The following RERE variants were observed in gnomAD, a reference collection of about 807,000 sequenced individuals.
The protein encoded by RERE is arginine-glutamic acid dipeptide repeats protein.
A neutral mutation model predicts 146.1 loss-of-function variants in RERE; 40 were observed. That is an observed-to-expected ratio of 0.27 (90% CI 0.21 to 0.36). The LOEUF (loss-of-function observed/expected upper bound fraction) is 0.36, where lower values mean the gene tolerates loss of function less well. Among genes scored for constraint, RERE ranks in the 10% least tolerant of loss-of-function variants. The pLI is 1.00. For synonymous variants in RERE, 1,003 were observed against 866.0 expected (o/e 1.16, Z -2.78); for missense variants, 1,933 against 2,138.7 (o/e 0.90, Z 1.90).
At chr1:8,557,627 T>A (rs1400366752) in intron 4 of RERE, 104 bp from the exon 5 acceptor site, 1 of 725,914 alleles carries the variant, frequency 1.4e-6, no homozygotes, top group Non-Finnish European at 2.5e-6. Context: ...GACACGTAGA[T>A]AGGGAGAGAC....
chr1:8,684,936 C>T (rs1639052511), intron 1 of RERE, among the ~76,000 whole-genome samples: 1 of 152,240 alleles, frequency 6.6e-6, no homozygotes, highest in South Asian at 2.1e-4. Context: ...TGGCTCACTA[C>T]AGCCTCAACC....
intron 4 of RERE, among the ~76,000 whole-genome samples, chr1:8,582,417 T>C (rs1646378201): frequency 6.7e-6 from 1 of 148,334 alleles, no homozygotes; most frequent in Non-Finnish European, 1.5e-5. Flanking sequence ...CTTTTTTTCT[T>C]TTTTTTTTTT....
chr1:8,398,171 GGCA>G (rs1213809022), intron 12 of RERE, among the ~76,000 whole-genome samples: 2 of 152,212 alleles, frequency 1.3e-5, no homozygotes, highest in Non-Finnish European at 2.9e-5. Flanking sequence ...GTAACAGAAG[GGCA>G]GGCATTCTGG....
intron 9 of RERE, among the ~76,000 whole-genome samples, chr1:8,495,470 C>G (rs1289720416): frequency 6.6e-6 from 1 of 152,138 alleles, no homozygotes; most frequent in Non-Finnish European, 1.5e-5. Context: ...ACACCCCATG[C>G]CCAGCTAATT....
chr1:8,510,397 CAG>C (rs1043890451), intron 7 of RERE, among the ~76,000 whole-genome samples: 1 of 151,824 alleles, frequency 6.6e-6, no homozygotes, highest in African/African-American at 2.4e-5. Context: ...GGGGCGGTGA[CAG>C]GGAAATGCTT....
intron 2 of RERE, among the ~76,000 whole-genome samples, chr1:8,646,457 G>A (rs556096477): frequency 9.2e-5 from 14 of 152,070 alleles, no homozygotes; most frequent in African/African-American, 2.9e-4. Context: ...ACTTGAGCTC[G>A]GGAGTTCAAG....
intron 7 of RERE, among the ~76,000 whole-genome samples, chr1:8,520,015 G>C (rs1031541630): frequency 3.3e-5 from 5 of 152,138 alleles, no homozygotes; most frequent in African/African-American, 4.8e-5. Context: ...TTAAACGTAG[G>C]TTTGATTAAA....
intron 10 of RERE, among the ~76,000 whole-genome samples, chr1:8,491,567 C>T (rs1293197015): frequency 2.0e-5 from 3 of 150,038 alleles, no homozygotes; most frequent in Non-Finnish European, 3.0e-5. Context: ...TGCAGTGAGC[C>T]GTGATCCACC....
intron 12 of RERE, among the ~76,000 whole-genome samples, chr1:8,418,517 C>T (rs80240442): frequency 3.3e-4 from 50 of 152,274 alleles, no homozygotes; most frequent in Non-Finnish European, 5.3e-4. Flanking sequence ...TCCTGGACTA[C>T]GACCCAGTGC....
chr1:8,465,820 G>A lies in RERE; in HGVS notation c.1203+105C>T, dbSNP rs758017624. 1.2e-5 allele frequency: 11 copies of A among 928,610 alleles called. No individual in the cohort carries two copies. In the South Asian group the frequency reaches 1.3e-4, roughly 11 times the overall value. The allele number at this position is 928,610 out of a possible 1,614,324, so 57.5% of individuals were successfully genotyped here. A position where few individuals can be genotyped will look rare whatever the true frequency, so the allele number is the denominator to read the frequency against. On this transcript the variant is annotated intron_variant, in intron 11 of 22. Transcript: ENST00000400908. ...TGGCGCTGCCACGGACAGCCATTCT[G>A]CATGACTGAAGCTTCTGCTTTCCCT...
chr1:8,644,530 T>G (rs1647238057), intron 2 of RERE, among the ~76,000 whole-genome samples: 1 of 152,204 alleles, frequency 6.6e-6, no homozygotes, highest in Non-Finnish European at 1.5e-5. Flanking sequence ...ATCAAAAAAC[T>G]TTTCATGCAT....
chr1:8,521,633 AC>A (rs1407328956), intron 7 of RERE, among the ~76,000 whole-genome samples: 2 of 152,254 alleles, frequency 1.3e-5, no homozygotes, highest in Non-Finnish European at 2.9e-5. Context: ...TCTAATCTTT[AC>A]AAAAACTGTA....
At chr1:8,520,817 TAGATTA>T (rs948294144) in intron 7 of RERE, among the ~76,000 whole-genome samples, 2 of 146,042 alleles carry the variant, frequency 1.4e-5, no homozygotes, top group African/African-American at 5.1e-5. Context: ...GCAGTCACTG[TAGATTA>T]AGCTGCTCTC....
chr1:8,367,566 G>C (rs1641861193), intron 12 of RERE, among the ~76,000 whole-genome samples: 2 of 152,180 alleles, frequency 1.3e-5, no homozygotes, highest in South Asian at 4.1e-4. Flanking sequence ...AGCAGATGAA[G>C]CATAACCCCA....
At chr1:8,538,457 ACT>A (rs899428181) in intron 7 of RERE, among the ~76,000 whole-genome samples, 17 of 152,040 alleles carry the variant, frequency 1.1e-4, no homozygotes, top group Non-Finnish European at 2.1e-4. Flanking sequence ...GTTTTTCTAC[ACT>A]CTGTTAAATT....
intron 1 of RERE, among the ~76,000 whole-genome samples, chr1:8,718,249 C>A (rs1639798479): frequency 6.6e-6 from 1 of 152,184 alleles, no homozygotes; most frequent in Non-Finnish European, 1.5e-5. Context: ...TTCCTAAAAT[C>A]ATAAATTCTA....
At chr1:8,412,275 T>C (rs1217372614) in intron 12 of RERE, among the ~76,000 whole-genome samples, 1 of 152,198 alleles carries the variant, frequency 6.6e-6, no homozygotes, top group African/African-American at 2.4e-5. Flanking sequence ...CAGCTTAATA[T>C]TGCTCCCGAC....
At chr1:8,415,509 C>T (rs1040831625) in intron 12 of RERE, among the ~76,000 whole-genome samples, 1 of 152,224 alleles carries the variant, frequency 6.6e-6, no homozygotes, top group African/African-American at 2.4e-5. Context: ...TTAAAGCATT[C>T]TCATGCCATC....
intron 1 of RERE, among the ~76,000 whole-genome samples, chr1:8,809,594 T>C (rs916382861): frequency 2.0e-5 from 3 of 152,350 alleles, no homozygotes; most frequent in East Asian, 1.9e-4. Flanking sequence ...ATTTGTATAG[T>C]ATGCCACTGG....
Sources: allele counts gnomAD v4.1 joint callset (sites outside exome capture counted in the v4.1 genomes callset), GRCh38; gene constraint gnomAD v4.1.1; transcripts MANE v1.5; gene names NCBI Gene and HGNC (gene_info 2026-07-23, HGNC 2026-07-21).